Variants in SLC9B2 observed in about 807,000 individuals in gnomAD.
SLC9B2 encodes solute carrier family 9 member B2.
A neutral mutation model predicts 52.2 loss-of-function variants in SLC9B2; 39 were observed. The ratio of observed to expected loss-of-function variants is 0.75; its 90% CI spans 0.58 to 0.98. The LOEUF (loss-of-function observed/expected upper bound fraction) is 0.98, where lower values mean the gene tolerates loss of function less well. Ranked by LOEUF, SLC9B2 falls within the 50% of genes least tolerant of loss-of-function variation. The probability of loss-of-function intolerance (pLI) is 0.00; values close to 1 mark genes in which losing one functional copy is unlikely to be tolerated. For missense variants in SLC9B2, 626 were observed against 637.5 expected (o/e 0.98, Z 0.19); for synonymous variants, 214 against 227.0 (o/e 0.94, Z 0.51).
intron 5 of SLC9B2, among the ~76,000 whole-genome samples, chr4:103,049,638 T>G (rs1052397322): frequency 1.3e-5 from 2 of 152,148 alleles, no homozygotes; most frequent in African/African-American, 2.4e-5. Flanking sequence ...ATAACCCTGG[T>G]CTATATGTAC....
intron 1 of SLC9B2, among the ~76,000 whole-genome samples, chr4:103,071,378 A>AT (rs550340712): frequency 0.055 from 4,920 of 90,230 alleles, 254 homozygotes; most frequent in African/African-American, 0.15. Context: ...TAATTTTTGT[A>AT]TTTTTTTTTT....
chr4:103,059,497 T>C lies in SLC9B2; in HGVS notation c.272-1526A>G, dbSNP rs576264924. On this transcript the variant is annotated intron_variant, in intron 3 of 11. Transcript: ENST00000394785. Reference sequence around the variant, plus strand: ...ATGTGTTTTATTAGATAGCTTAATGTTGTAGAATGTTTGAGTCCTTGAAGC... The same window carrying C: ...ATGTGTTTTATTAGATAGCTTAATGCTGTAGAATGTTTGAGTCCTTGAAGC... Among the ~76,000 whole-genome samples the C allele has an allele frequency of 1.4e-4, 22 of 152,372 alleles. 1 individual carries two copies. The South Asian group carries it at 4.1e-3, about 29-fold the overall frequency.
At position 103,048,253 on chromosome 4, in the gene SLC9B2, AAT is replaced by A. The variant is rs142421149; in HGVS notation, c.713+638_713+639del. ...TTTAATCCTCACAACAACCCTATAA[AAT>A]AGACAAAATCTATCTTAATTTTATA... On this transcript the variant is annotated intron_variant, in intron 6 of 11. Coordinates refer to ENST00000394785, the MANE Select transcript of SLC9B2 (RefSeq NM_178833.7). Among the ~76,000 whole-genome samples, 1,004 of 152,318 alleles carry A rather than the reference AAT, an allele frequency of 6.6e-3. 4 individuals are homozygous for A. The highest frequency in any genetic ancestry group is 0.012 in the Non-Finnish European group (805 of 68,024).
At chr4:103,040,709 A>G (rs1743560432) in intron 9 of SLC9B2, among the ~76,000 whole-genome samples, 1 of 152,236 alleles carries the variant, frequency 6.6e-6, no homozygotes, top group African/African-American at 2.4e-5. Context: ...GTGTCTAAAT[A>G]TGTGAAAAAC....
chr4:103,075,878 G>A (rs553026594), intron 1 of SLC9B2, among the ~76,000 whole-genome samples: 31 of 152,280 alleles, frequency 2.0e-4, no homozygotes, highest in Non-Finnish European at 4.1e-4. Context: ...ATCTCTTACA[G>A]CAGCTACTGC....
chr4:103,057,767 A>C, intron 4 of SLC9B2, 34 bp downstream of exon 4: 2 of 1,578,030 alleles, frequency 1.3e-6, no homozygotes, highest in Non-Finnish European at 1.7e-6. Context: ...AATATAGTTT[A>C]CTCTGGATAG....
chr4:103,047,267 CTTA>C (rs1744237518), intron 6 of SLC9B2, 41 bp from the exon 7 acceptor site: 3 of 1,518,916 alleles, frequency 2.0e-6, no homozygotes, highest in Non-Finnish European at 2.7e-6. Context: ...TAACATCTTA[CTTA>C]TTACTATTTT....
chr4:103,058,700 C>G (rs1745375826), intron 3 of SLC9B2, among the ~76,000 whole-genome samples: 1 of 152,144 alleles, frequency 6.6e-6, no homozygotes, highest in African/African-American at 2.4e-5. Context: ...CCTCATCCAG[C>G]CTCAAATTTT....
At chr4:103,062,077 C>T (rs1298175190) in intron 3 of SLC9B2, among the ~76,000 whole-genome samples, 1 of 152,206 alleles carries the variant, frequency 6.6e-6, no homozygotes, top group Admixed American at 6.5e-5. Context: ...TATACTTTAT[C>T]ATAGCATAAA....
intron 9 of SLC9B2, among the ~76,000 whole-genome samples, chr4:103,032,953 A>C (rs1377963073): frequency 1.3e-5 from 2 of 152,124 alleles, no homozygotes; most frequent in African/African-American, 4.8e-5. Context: ...TGCTATTCTC[A>C]TATTCTTTAA....
intron 4 of SLC9B2, among the ~76,000 whole-genome samples, chr4:103,055,353 C>T (rs530572036): frequency 2.0e-5 from 3 of 151,960 alleles, no homozygotes; most frequent in South Asian, 2.1e-4. Context: ...CTAACCTGCA[C>T]GTTGTGCACA....
chr4:103,043,563 G>A (rs968791766), intron 8 of SLC9B2, 118 bp from the exon 9 acceptor site: 20 of 923,604 alleles, frequency 2.2e-5, no homozygotes, highest in Non-Finnish European at 3.0e-5. Context: ...TATATAAATA[G>A]ACAAAACAAG....
intron 5 of SLC9B2, among the ~76,000 whole-genome samples, chr4:103,049,689 A>C (rs1247972398): frequency 1.3e-5 from 2 of 152,176 alleles, no homozygotes; most frequent in Non-Finnish European, 2.9e-5. Flanking sequence ...TGCTGGCCCC[A>C]TAGACAGACT....
chr4:103,040,504 G>A (rs1560545552), intron 9 of SLC9B2, among the ~76,000 whole-genome samples: 1 of 152,126 alleles, frequency 6.6e-6, no homozygotes, highest in Admixed American at 6.5e-5. Flanking sequence ...AAACTAAAAT[G>A]AATTTGCCTA....
chr4:103,060,170 A>G (rs991404161), intron 3 of SLC9B2, among the ~76,000 whole-genome samples: 1 of 151,452 alleles, frequency 6.6e-6, no homozygotes, highest in African/African-American at 2.4e-5. Flanking sequence ...TTATTTCTTC[A>G]AAGATTTCCT....
chr4:103,070,960 GA>G (rs1199520795), intron 1 of SLC9B2, among the ~76,000 whole-genome samples: 11 of 151,744 alleles, frequency 7.2e-5, no homozygotes, highest in African/African-American at 2.4e-4. Flanking sequence ...AAAGAAAAAA[GA>G]AAAAAGTTTT....
At chr4:103,029,668 T>C (rs760514188) in intron 10 of SLC9B2, among the ~76,000 whole-genome samples, 5 of 152,204 alleles carry the variant, frequency 3.3e-5, no homozygotes, top group Middle Eastern at 6.8e-3. Context: ...GGATTGTGAG[T>C]AGTGCTGCTA....
intron 9 of SLC9B2, among the ~76,000 whole-genome samples, chr4:103,039,239 G>A (rs1158008892): frequency 6.6e-6 from 1 of 152,142 alleles, no homozygotes; most frequent in Non-Finnish European, 1.5e-5. Flanking sequence ...TGCTGTTCTG[G>A]AGGTAATTAT....
chr4:103,060,593 T>C (rs1302631056), intron 3 of SLC9B2, among the ~76,000 whole-genome samples: 2 of 151,664 alleles, frequency 1.3e-5, no homozygotes, highest in African/African-American at 2.4e-5. Flanking sequence ...CCTTGGAACT[T>C]TGTCTAGTTT....
Sources: gnomAD v4.1 joint callset for allele counts (sites outside exome capture counted in the v4.1 genomes callset) on GRCh38, gnomAD v4.1.1 for gene constraint, MANE v1.5 for transcripts, NCBI Gene and HGNC (gene_info 2026-07-23, HGNC 2026-07-21) for gene names.